CFAP54: variants seen among roughly 807,000 people sequenced by gnomAD.
The protein encoded by CFAP54 is cilia- and flagella-associated protein 54.
CFAP54 carries 290 observed loss-of-function variants against 370.4 expected under a neutral mutation model. That is an observed-to-expected ratio of 0.78 (90% confidence interval 0.71 to 0.86). The LOEUF is 0.86. Ranked by LOEUF, CFAP54 falls within the 40% of genes least tolerant of loss-of-function variation. The pLI is 0.00. For missense variants in CFAP54, 3,399 were observed against 3,528.7 expected, an observed-to-expected ratio of 0.96 and a Z score of 0.93; for synonymous variants, 1,206 against 1,236.5, an observed-to-expected ratio of 0.98 and a Z score of 0.52.
At chr12:96,497,253 T>C (rs1954964731) in intron 1 of CFAP54, among the ~76,000 whole-genome samples, 1 of 152,226 alleles carries the variant, frequency 6.6e-6, no homozygotes, top group Non-Finnish European at 1.5e-5. Context: ...GGGATATTGA[T>C]ATTACCTTTC....
intron 19 of CFAP54, among the ~76,000 whole-genome samples, chr12:96,565,756 A>G (rs1204636132): frequency 6.6e-6 from 1 of 152,182 alleles, no homozygotes. Flanking sequence ...GAAGGGAAGG[A>G]GGAACAGACA....
intron 26 of CFAP54, among the ~76,000 whole-genome samples, chr12:96,608,628 G>C (rs1956325572): frequency 6.6e-6 from 1 of 151,372 alleles, no homozygotes; most frequent in Non-Finnish European, 1.5e-5. Context: ...CGCCCGCTTA[G>C]TTTTTGTATT....
intron 9 of CFAP54, among the ~76,000 whole-genome samples, chr12:96,531,975 C>T (rs995945832): frequency 2.0e-5 from 3 of 152,238 alleles, no homozygotes; most frequent in Non-Finnish European, 2.9e-5. Flanking sequence ...ATCTGCCTGC[C>T]TTGGCCTCCC....
At chr12:96,601,242 T>C (rs1241614668) in intron 26 of CFAP54, among the ~76,000 whole-genome samples, 1 of 152,248 alleles carries the variant, frequency 6.6e-6, no homozygotes, top group Non-Finnish European at 1.5e-5. Flanking sequence ...TGGTTCTGTT[T>C]ATGTGATAGA....
At chr12:96,863,658 T>TA (rs1249957148) in intron 67 of CFAP54, among the ~76,000 whole-genome samples, 1 of 152,146 alleles carries the variant, frequency 6.6e-6, no homozygotes, top group Non-Finnish European at 1.5e-5. Flanking sequence ...GGGCCGATTT[T>TA]AAAAAATGAC....
intron 63 of CFAP54, among the ~76,000 whole-genome samples, chr12:96,793,818 G>A (rs1289847710): frequency 6.6e-6 from 1 of 152,072 alleles, no homozygotes; most frequent in Admixed American, 6.6e-5. Context: ...TAGTGATGTT[G>A]AGCATTTTTT....
chr12:96,806,537 G>A (rs1274707690), intron 63 of CFAP54, among the ~76,000 whole-genome samples: 1 of 151,962 alleles, frequency 6.6e-6, no homozygotes, highest in Non-Finnish European at 1.5e-5. Context: ...TCTGTTTCAG[G>A]TTCCCAAACA....
intron 50 of CFAP54, among the ~76,000 whole-genome samples, chr12:96,736,254 G>A (rs1234440846): frequency 1.3e-5 from 2 of 152,142 alleles, no homozygotes; most frequent in Non-Finnish European, 2.9e-5. Flanking sequence ...AGCTTTATTT[G>A]ATCAGGCTGG....
At chr12:96,825,051 C>A (rs1173096550) in intron 65 of CFAP54, among the ~76,000 whole-genome samples, 1 of 150,734 alleles carries the variant, frequency 6.6e-6, no homozygotes, top group African/African-American at 2.4e-5. Flanking sequence ...ACCCTACGCG[C>A]CCCACAATGC....
At chr12:96,820,171 C>T (rs1959016411) in intron 65 of CFAP54, among the ~76,000 whole-genome samples, 2 of 152,108 alleles carry the variant, frequency 1.3e-5, no homozygotes, top group East Asian at 1.9e-4. Context: ...CTTAATTCTA[C>T]CCATCTCTCC....
chr12:96,585,739 A>T (rs1652060590), intron 22 of CFAP54, among the ~76,000 whole-genome samples: 1 of 152,180 alleles, frequency 6.6e-6, no homozygotes, highest in Non-Finnish European at 1.5e-5. Context: ...TTTAAACCTT[A>T]CAGCCAGCAT....
chr12:96,663,701 G>A, intron 38 of CFAP54, 129 bp from the exon 39 acceptor site: 1 of 637,332 alleles, frequency 1.6e-6, no homozygotes, highest in South Asian at 2.2e-5. Flanking sequence ...TATTCTGCCA[G>A]CTTTTTTTGT....
At chr12:96,633,441 T>G (rs964479154) in intron 32 of CFAP54, among the ~76,000 whole-genome samples, 12 of 152,198 alleles carry the variant, frequency 7.9e-5, no homozygotes, top group African/African-American at 2.9e-4. Flanking sequence ...CTGACCTTAT[T>G]TGGATTACAG....
chr12:96,745,471 C>T (rs1315554051), intron 55 of CFAP54, among the ~76,000 whole-genome samples: 1 of 151,998 alleles, frequency 6.6e-6, no homozygotes, highest in East Asian at 1.9e-4. Context: ...TTGCTGGCTG[C>T]ATGCATGTCT....
intron 65 of CFAP54, among the ~76,000 whole-genome samples, chr12:96,819,721 A>G (rs1293739776): frequency 6.6e-6 from 1 of 151,986 alleles, no homozygotes; most frequent in African/African-American, 2.4e-5. Flanking sequence ...CTTGTCTTTT[A>G]TTCTTTATAT....
chr12:96,545,335 G>T (rs12578502), intron 14 of CFAP54, among the ~76,000 whole-genome samples: 8,826 of 152,050 alleles, frequency 0.058, 623 homozygotes, highest in African/African-American at 0.15. Flanking sequence ...ACCATGGCAC[G>T]TGTATACCTG....
intron 33 of CFAP54, among the ~76,000 whole-genome samples, chr12:96,647,513 T>G (rs1183790353): frequency 8.4e-6 from 1 of 119,158 alleles, no homozygotes; most frequent in Non-Finnish European, 1.9e-5. Flanking sequence ...CCATTGATTA[T>G]GGACACATTA....
chr12:96,798,123 A>G (rs1330953079), intron 63 of CFAP54, among the ~76,000 whole-genome samples: 3 of 151,950 alleles, frequency 2.0e-5, no homozygotes, highest in Admixed American at 6.6e-5. Flanking sequence ...AAATAATAGT[A>G]TTATTTTTAT....
chr12:96,668,986 A>G (rs1957112773), intron 39 of CFAP54, among the ~76,000 whole-genome samples: 1 of 152,244 alleles, frequency 6.6e-6, no homozygotes, highest in African/African-American at 2.4e-5. Context: ...AAGATGAATA[A>G]GACTAAAGAT....
Sources: gnomAD v4.1 joint callset for allele counts (sites outside exome capture counted in the v4.1 genomes callset) on GRCh38, gnomAD v4.1.1 for gene constraint, MANE v1.5 for transcripts, NCBI Gene and HGNC (gene_info 2026-07-23, HGNC 2026-07-21) for gene names.